The following PTPRQ variants were observed in gnomAD, a reference collection of about 807,000 sequenced individuals.
PTPRQ encodes the protein phosphatidylinositol phosphatase PTPRQ.
In PTPRQ, 199 loss-of-function variants were observed where a neutral mutation model predicts 246.0. The observed-to-expected ratio is 0.81, with a 90% CI of 0.72 to 0.91. The LOEUF is 0.91. Among genes scored for constraint, PTPRQ ranks in the 40% least tolerant of loss-of-function variants. The pLI is 0.00. For synonymous variants in PTPRQ, 869 were observed against 853.2 expected (o/e 1.02, Z -0.32); for missense variants, 2,624 against 2,528.4 (o/e 1.04, Z -0.81).
At chr12:80,568,555 T>G (rs1480085606) in intron 25 of PTPRQ, among the ~76,000 whole-genome samples, 1 of 152,218 alleles carries the variant, frequency 6.6e-6, no homozygotes, top group Non-Finnish European at 1.5e-5. Context: ...TGGCTGCATA[T>G]GTAAAGTTTC....
At chr12:80,501,937 A>T (rs1028168015) in intron 14 of PTPRQ, among the ~76,000 whole-genome samples, 3 of 132,274 alleles carry the variant, frequency 2.3e-5, no homozygotes, top group African/African-American at 9.8e-5. Context: ...ACAGAGTATG[A>T]TAGGCAAAAA....
chr12:80,585,427 C>T (rs1319672252), intron 25 of PTPRQ, among the ~76,000 whole-genome samples: 1 of 152,166 alleles, frequency 6.6e-6, no homozygotes, highest in East Asian at 1.9e-4. Flanking sequence ...CTTGTGTTGA[C>T]ATTGCAGTTG....
chr12:80,558,149 TTTTCTTTTCTTTTCTTTTC>T (rs1262268465), intron 25 of PTPRQ, among the ~76,000 whole-genome samples: 1,742 of 132,764 alleles, frequency 0.013, 30 homozygotes, highest in African/African-American at 0.04. Context: ...TTTTCTTTTC[TTTTCTTTTCTTTTCTTTTC>T]TTTCTTTTCT....
chr12:80,494,994 G>A lies in PTPRQ; in HGVS notation c.1602G>A (p.Arg534=). 7.7e-6 allele frequency: 12 copies of A among 1,550,136 alleles called. No homozygotes were observed. The highest frequency in any genetic ancestry group is 1.0e-5 in the Non-Finnish European group (12 of 1,146,064). ...IAAEQLSYVI[R]RLVPFTEHMI... is the part of the protein sequence containing the mutation. Reference sequence around the variant, plus strand: ...CTGAACAGCTGTCTTATGTTATCAGGAGACTTGTACCTTTCACTGAGCACA... The same window carrying A: ...CTGAACAGCTGTCTTATGTTATCAGAAGACTTGTACCTTTCACTGAGCACA... The change falls in exon 11 of 45, where the codon AGG becomes AGA. Residue 534 remains arginine (R), a synonymous_variant. Coordinates refer to ENST00000644991, the MANE Select transcript of PTPRQ (RefSeq NM_001145026.2).
intron 34 of PTPRQ, chr12:80,634,643 A>G (rs1053026712): frequency 7.6e-6 from 2 of 262,924 alleles, no homozygotes; most frequent in African/African-American, 2.3e-5. Flanking sequence ...CAAGATCACA[A>G]CGTAAGTCTT....
intron 17 of PTPRQ, among the ~76,000 whole-genome samples, chr12:80,514,677 A>G (rs945815955): frequency 5.6e-5 from 8 of 143,892 alleles, no homozygotes; most frequent in African/African-American, 7.5e-5. Flanking sequence ...TGTATAATAT[A>G]TATTTTTATA....
chr12:80,619,593 GA>G, intron 31 of PTPRQ, 51 bp downstream of exon 31: 3 of 1,371,212 alleles, frequency 2.2e-6, no homozygotes, highest in Non-Finnish European at 2.8e-6. Context: ...GTAGATTACT[GA>G]GTGCTAAAAA....
intron 17 of PTPRQ, among the ~76,000 whole-genome samples, chr12:80,531,535 A>G (rs1249315879): frequency 6.6e-6 from 1 of 152,182 alleles, no homozygotes; most frequent in Non-Finnish European, 1.5e-5. Flanking sequence ...TCCTTTGATT[A>G]GAGAGCTCAC....
chr12:80,640,303 T>C (rs763804791), intron 35 of PTPRQ, among the ~76,000 whole-genome samples: 6 of 152,194 alleles, frequency 3.9e-5, no homozygotes, highest in Non-Finnish European at 7.4e-5. Flanking sequence ...TTGGCTTCAA[T>C]AATAACTCAT....
chr12:80,496,670 C>T (rs1004912547), intron 14 of PTPRQ, 139 bp downstream of exon 14: 1 of 1,107,928 alleles, frequency 9.0e-7, no homozygotes, highest in Admixed American at 3.7e-5. Context: ...AATTAATTTT[C>T]TTTTTCAGGC....
At chr12:80,494,286 T>C (rs1466952835) in intron 10 of PTPRQ, among the ~76,000 whole-genome samples, 3 of 152,024 alleles carry the variant, frequency 2.0e-5, no homozygotes, top group Non-Finnish European at 4.4e-5. Context: ...AATTGCTACT[T>C]AAGAGTTTTA....
intron 10 of PTPRQ, among the ~76,000 whole-genome samples, chr12:80,494,143 C>T (rs1455793000): frequency 6.6e-6 from 1 of 151,950 alleles, no homozygotes; most frequent in Admixed American, 6.6e-5. Flanking sequence ...AATCACATTA[C>T]ATTCAATAGA....
chr12:80,646,663 G>A (rs576969624), intron 35 of PTPRQ, among the ~76,000 whole-genome samples: 2 of 152,058 alleles, frequency 1.3e-5, no homozygotes, highest in Non-Finnish European at 1.5e-5. Flanking sequence ...GTGCCCAGGC[G>A]ATGTGGGTTA....
At chr12:80,668,483 A>T (rs904336405) in intron 39 of PTPRQ, among the ~76,000 whole-genome samples, 1 of 151,908 alleles carries the variant, frequency 6.6e-6, no homozygotes, top group African/African-American at 2.4e-5. Flanking sequence ...GGAAGAGTGT[A>T]CATATATCTG....
chr12:80,463,323 A>G (rs1212197977), intron 6 of PTPRQ, among the ~76,000 whole-genome samples: 2 of 152,236 alleles, frequency 1.3e-5, no homozygotes, highest in Non-Finnish European at 2.9e-5. Flanking sequence ...GAGAAAAAAG[A>G]ATAAAAAGAA....
chr12:80,662,881 C>T (rs1900675624), intron 39 of PTPRQ, among the ~76,000 whole-genome samples: 1 of 151,998 alleles, frequency 6.6e-6, no homozygotes, highest in African/African-American at 2.4e-5. Context: ...CTCAGAAAAA[C>T]TCAAAAGTTT....
chr12:80,591,788 TTATGCC>T (rs1897810921), intron 26 of PTPRQ, among the ~76,000 whole-genome samples: 1 of 152,184 alleles, frequency 6.6e-6, no homozygotes, highest in African/African-American at 2.4e-5. Flanking sequence ...TTTGGTTAAA[TTATGCC>T]TGTGCCTTTG....
chr12:80,468,520 A>C (rs542239915), intron 6 of PTPRQ, among the ~76,000 whole-genome samples, 190 bp from the exon 7 acceptor site: 1 of 152,316 alleles, frequency 6.6e-6, no homozygotes, highest in South Asian at 2.1e-4. Context: ...AGTTTATCTG[A>C]TGATCCAGCA....
chr12:80,494,813 A>G lies in PTPRQ; in HGVS notation c.1541-120A>G, dbSNP rs936657856. On this transcript the variant is annotated intron_variant, in intron 10 of 44. Coordinates refer to ENST00000644991, the MANE Select transcript of PTPRQ (RefSeq NM_001145026.2). ...ACACCTAACTTTAATAGAGGTGTGC[A>G]TGGAGAGATTAATGAATACGGAGAA... 5.1e-6 allele frequency: 5 copies of G among 985,104 alleles called. No individual in the cohort carries two copies. In the African/African-American group the frequency reaches 6.6e-5, roughly 13 times the overall value. 61.0% of individuals were successfully genotyped at this position (985,104 alleles called of 1,614,324 possible). A position where few individuals can be genotyped will look rare whatever the true frequency, so the allele number is the denominator to read the frequency against.
Sources: gnomAD v4.1 joint callset for allele counts (sites outside exome capture counted in the v4.1 genomes callset) on GRCh38, gnomAD v4.1.1 for gene constraint, MANE v1.5 for transcripts, NCBI Gene and HGNC (gene_info 2026-07-23, HGNC 2026-07-21) for gene names.